The following SANBR variants were observed in gnomAD, a reference collection of about 807,000 sequenced individuals.
SANBR encodes the protein SANT and BTB domain regulator of CSR.
A neutral mutation model predicts 101.8 loss-of-function variants in SANBR; 77 were observed. The ratio of observed to expected loss-of-function variants is 0.76; its 90% CI spans 0.63 to 0.91. The LOEUF is 0.91. SANBR is among the 40% of genes least tolerant of loss of function. The probability of loss-of-function intolerance (pLI) is 0.00; values close to 1 mark genes in which losing one functional copy is unlikely to be tolerated. For missense variants in SANBR, 875 were observed against 853.0 expected, an observed-to-expected ratio of 1.03 and a Z score of -0.32; for synonymous variants, 279 against 274.7, an observed-to-expected ratio of 1.02 and a Z score of -0.15.
chr2:61,100,601 A>T (rs1050589469), intron 12 of SANBR, among the ~76,000 whole-genome samples: 1 of 152,230 alleles, frequency 6.6e-6, no homozygotes, highest in Non-Finnish European at 1.5e-5. Context: ...TGTAGATATT[A>T]GTAAAATTCT....
chr2:61,094,870 CCTG>C (rs1350475176), intron 11 of SANBR, among the ~76,000 whole-genome samples: 1 of 152,144 alleles, frequency 6.6e-6, no homozygotes, highest in Non-Finnish European at 1.5e-5. Flanking sequence ...GTCTCAAACT[CCTG>C]ACCTCAGGTG....
chr2:61,073,349 G>C (rs892748011), intron 4 of SANBR, 109 bp from the exon 5 acceptor site: 6 of 485,170 alleles, frequency 1.2e-5, no homozygotes, highest in African/African-American at 9.9e-5. Flanking sequence ...TTTAGCCTTG[G>C]AAACCATGCA....
intron 12 of SANBR, among the ~76,000 whole-genome samples, chr2:61,102,408 C>T (rs767673708): frequency 5.3e-5 from 8 of 150,624 alleles, no homozygotes; most frequent in Non-Finnish European, 1.0e-4. Context: ...GAAAGACAAC[C>T]GGCACTTCAG....
At position 61,115,977 on chromosome 2, in the gene SANBR, A is replaced by G. The variant is rs754675665; in HGVS notation, c.1745-2A>G. On this transcript the variant is annotated splice_acceptor_variant, in intron 16 of 21. Transcript: ENST00000402291. LOFTEE classifies it high-confidence loss of function. ...TTTATAACATTGTCTTCTCATTATCAGGGAAAAAGGAGAAGCCAAAGAAGT... is the reference window on the plus strand; with the variant it reads ...TTTATAACATTGTCTTCTCATTATCGGGGAAAAAGGAGAAGCCAAAGAAGT... The G allele has an allele frequency of 1.3e-6, 2 of 1,594,538 alleles. No individual in the cohort carries two copies. The highest frequency in any genetic ancestry group is 1.7e-6 in the Non-Finnish European group (2 of 1,166,396).
At chr2:61,097,985 C>T in intron 12 of SANBR, 133 bp downstream of exon 12, 1 of 593,114 alleles carries the variant, frequency 1.7e-6, no homozygotes, top group Non-Finnish European at 2.7e-6. Context: ...CCCCCATTTT[C>T]CATCTCTTCT....
At chr2:61,130,928 T>A (rs1218503499) in intron 20 of SANBR, among the ~76,000 whole-genome samples, 2 of 7,714 alleles carry the variant, frequency 2.6e-4, no homozygotes, top group Non-Finnish European at 2.6e-4. Flanking sequence ...AGACTCTGTC[T>A]CAAAAAAAAA....
chr2:61,089,185 A>T (rs555686678), intron 10 of SANBR: 3 of 985,268 alleles, frequency 3.0e-6, no homozygotes, highest in East Asian at 1.1e-4. Flanking sequence ...ATTTTCTGTC[A>T]TCTATTTGTT....
At chr2:61,104,265 G>C (rs1242055539) in intron 13 of SANBR, among the ~76,000 whole-genome samples, 2 of 151,800 alleles carry the variant, frequency 1.3e-5, no homozygotes, top group Non-Finnish European at 2.9e-5. Context: ...GGCGGATCAC[G>C]AGGTCAGGAG....
At chr2:61,111,216 A>G (rs1323306004) in intron 16 of SANBR, among the ~76,000 whole-genome samples, 1 of 152,008 alleles carries the variant, frequency 6.6e-6, no homozygotes, top group African/African-American at 2.4e-5. Flanking sequence ...ACACAGTGAA[A>G]CCCCTTCTCT....
At chr2:61,121,910 C>T (rs1684344767) in intron 21 of SANBR, among the ~76,000 whole-genome samples, 1 of 152,104 alleles carries the variant, frequency 6.6e-6, no homozygotes, top group African/African-American at 2.4e-5. Context: ...GCTCCAGATC[C>T]ATTATATACA....
chr2:61,078,910 C>T (rs992667683), intron 6 of SANBR, among the ~76,000 whole-genome samples: 1 of 151,592 alleles, frequency 6.6e-6, no homozygotes, highest in African/African-American at 2.4e-5. Flanking sequence ...GTGGTGGCAC[C>T]CACCTGTAAT....
rs61325986 is a variant in SANBR at position 61,098,057 on chromosome 2, T to TTATA, written c.1365+223_1365+226dup. Among the ~76,000 whole-genome samples, 10 of 142,158 alleles carry TTATA rather than the reference T, an allele frequency of 7.0e-5. No individual in the cohort carries two copies. The East Asian group carries it at 1.0e-3, about 14-fold the overall frequency. The allele number at this position is 142,158 out of a possible 152,430, so 93.3% of individuals were successfully genotyped here. A position where few individuals can be genotyped will look rare whatever the true frequency, so the allele number is the denominator to read the frequency against. ...TTCTTTTGTACCTTTCAGGCACAAA[T>TTATA]TATATATATATATATATATATTTTT... On this transcript the variant is annotated intron_variant, in intron 12 of 21. Coordinates refer to ENST00000402291, the MANE Select transcript of SANBR (RefSeq NM_001129993.3).
chr2:61,104,483 A>AAAAAAAAAAGAGC, intron 13 of SANBR, among the ~76,000 whole-genome samples: 1 of 21,866 alleles, frequency 4.6e-5, no homozygotes, highest in Non-Finnish European at 7.7e-5. Flanking sequence ...AAAAAAGAGC[A>AAAAAAAAAAGAGC]AAAAAAAAAA....
rs1684406271 is a variant in SANBR, at chr2:61,123,304, TTAA to T, written c.*1147_*1149del. 2 of 980,284 alleles carry T rather than the reference TTAA, an allele frequency of 2.0e-6. No homozygotes were observed. The highest frequency in any genetic ancestry group is 2.4e-6 in the Non-Finnish European group (2 of 825,256). The allele number at this position is 980,284 out of a possible 1,614,324, so 60.7% of individuals were successfully genotyped here. On this transcript the variant is annotated 3_prime_UTR_variant, in exon 22 of 22. Coordinates refer to ENST00000402291, the MANE Select transcript of SANBR (RefSeq NM_001129993.3). ...CTTCAAATTATTCAGAGAACAGACT[TTAA>T]TAATGTGTGACAAAAGAGCAATTTC...
chr2:61,125,391 G>T (rs558201668), downstream of SANBR, among the ~76,000 whole-genome samples: 4 of 152,138 alleles, frequency 2.6e-5, no homozygotes, highest in Admixed American at 1.3e-4. Context: ...AATACTTTTC[G>T]TGGTTTCTAT....
intron 20 of SANBR, among the ~76,000 whole-genome samples, chr2:61,118,669 C>G (rs1438234077): frequency 7.2e-6 from 1 of 139,036 alleles, no homozygotes; most frequent in Non-Finnish European, 1.5e-5. Context: ...TCAAGTGATT[C>G]TCCTGCCTCA....
At chr2:61,071,859 A>T in intron 4 of SANBR, 67 bp downstream of exon 4, 1 of 969,018 alleles carries the variant, frequency 1.0e-6, no homozygotes, top group Non-Finnish European at 1.6e-6. Context: ...ATATATTCCA[A>T]TCAACTTTTC....
intron 1 of SANBR, among the ~76,000 whole-genome samples, chr2:61,068,630 C>T (rs1681302462): frequency 6.6e-6 from 1 of 152,156 alleles, no homozygotes. Context: ...CTGTAGCTGA[C>T]TCTTTCTAGT....
At chr2:61,100,714 G>T (rs1369983852) in intron 12 of SANBR, among the ~76,000 whole-genome samples, 1 of 152,166 alleles carries the variant, frequency 6.6e-6, no homozygotes, top group African/African-American at 2.4e-5. Context: ...AAGACAGAAG[G>T]TTCCAGGGTT....
Sources: gnomAD v4.1 joint callset for allele counts (sites outside exome capture counted in the v4.1 genomes callset) on GRCh38, gnomAD v4.1.1 for gene constraint, MANE v1.5 for transcripts, NCBI Gene and HGNC (gene_info 2026-07-23, HGNC 2026-07-21) for gene names.